GBP3: variants seen among roughly 807,000 people sequenced by gnomAD.
GBP3 encodes the protein guanylate-binding protein 3.
GBP3 carries 55 observed loss-of-function variants against 62.4 expected under a neutral mutation model. That is an observed-to-expected ratio of 0.88 (90% CI 0.71 to 1.10). The LOEUF is 1.10. Among genes scored for constraint, GBP3 ranks in the 50% least tolerant of loss-of-function variants. GBP3 has a pLI of 0.00. For synonymous variants in GBP3, 208 were observed against 259.2 expected, an observed-to-expected ratio of 0.80 and a Z score of 1.90; for missense variants, 605 against 690.6, an observed-to-expected ratio of 0.88 and a Z score of 1.39.
rs1318724411 is a variant in GBP3 at position 89,009,408 on chromosome 1, C to G, written c.1449G>C (p.Lys483Asn). 1.2e-6 allele frequency: 2 copies of G among 1,614,020 alleles called. No homozygotes were observed. ...GCTCCTCACCTTCAATCTCCTTTTC[C>G]TTTTCTGTGAGAATCTGGTCTGTCT... ...ILQTDQILTE[K>N]EKEIEVECVK... The change falls in exon 9 of 11, where the codon AAG (lysine) becomes AAC (asparagine). Residue 483 changes from lysine to asparagine, a missense_variant. Coordinates refer to ENST00000370481, the MANE Select transcript of GBP3 (RefSeq NM_018284.3).
rs1004955177 is a variant in GBP3 at position 89,011,938 on chromosome 1, T to A, written c.958A>T (p.Ile320Leu). The A allele has an allele frequency of 1.3e-5, 19 of 1,462,378 alleles. 2 individuals carry two copies. In the East Asian group the frequency reaches 4.4e-4, roughly 34 times the overall value. The allele number at this position is 1,462,378 out of a possible 1,614,324, so 90.6% of individuals were successfully genotyped here. Residue 320 changes from isoleucine (I) to leucine (L), a missense_variant, in exon 7 of 11, where the codon ATA (isoleucine) becomes TTA (leucine). By Grantham distance (5) the Ile-to-Leu change is conservative (BLOSUM62 2). Around this residue, in one of 3 missense-constraint regions of GBP3, gnomAD observed 137 missense variants for 224.7 expected, o/e 0.61. Transcript: ENST00000370481. ...MENAVLALAQIENSAAVQKAI... is the reference protein window; with the variant it reads ...MENAVLALAQLENSAAVQKAI... ...TTTTGCACTGCGGCTGAGTTCTCTA[T>A]CTGGGCCAAGGCCAGGACTGCGTTC... is the stretch of plus-strand genomic sequence containing the variant.
Position 89,009,071 on chromosome 1 carries a change from T to G in GBP3, c.1535A>C (p.Gln512Pro). The change falls in exon 10 of 11, where the codon CAG becomes CCG. Residue 512 changes from glutamine (Q) to proline (P), a missense_variant. Transcript: ENST00000370481. ...CTTCTCTTTCTCTTCCATCATCTGC[T>G]GATACTTTATTTGCATTTCCTCCAC... The part of the protein sequence containing the change: ...KMVEEMQIKY[Q>P]QMMEEKEKSY... 1 of 1,614,124 alleles carries G rather than the reference T, an allele frequency of 6.2e-7. No individual in the cohort carries two copies. Among genetic ancestry groups the G allele is most frequent in the Non-Finnish European group, 8.5e-7 (1 of 1,179,940 alleles).
intron 6 of GBP3, 70 bp downstream of exon 6, chr1:89,013,115 G>A (rs985233709): frequency 1.3e-6 from 2 of 1,536,256 alleles, no homozygotes; most frequent in Non-Finnish European, 1.8e-6. Flanking sequence ...TGGGATTACA[G>A]GCATGAACCA....
At chr1:89,018,833 C>T (rs1679022152) in intron 2 of GBP3, among the ~76,000 whole-genome samples, 1 of 152,232 alleles carries the variant, frequency 6.6e-6, no homozygotes, top group Non-Finnish European at 1.5e-5. Flanking sequence ...GACCAGAAGG[C>T]TGTGACCCCC....
intron 2 of GBP3, among the ~76,000 whole-genome samples, chr1:89,017,807 A>G (rs183825071): frequency 4.7e-4 from 71 of 152,262 alleles, no homozygotes; most frequent in African/African-American, 1.6e-3. Context: ...GGCTGGGTGC[A>G]GTGGCTCAAG....
At chr1:89,013,982 A>G (rs1400936812) in intron 5 of GBP3, 101 bp downstream of exon 5, 3 of 1,271,386 alleles carry the variant, frequency 2.4e-6, no homozygotes, top group East Asian at 4.6e-5. Context: ...AGCTAGAGAT[A>G]TAGAAAACTG....
In GBP3 at chr1:89,013,246, G is replaced by A. The variant is rs755630445; in HGVS notation, c.807C>T (p.Ser269=). 3.1e-6 allele frequency: 5 copies of A among 1,614,176 alleles called. No homozygotes were observed. In the South Asian group the frequency reaches 5.5e-5, roughly 18 times the overall value. Residue 269 remains serine (S), a synonymous_variant, in exon 6 of 11, where the codon TCC becomes TCT. Transcript: ENST00000370481. ...EFVQQVADFC[S]YIFSNSKTKT... ...TAGTTTTGGAATTGCTAAAGATGTA[G>A]GAACAGAAGTCTGCTACTTGTTGCA... is the stretch of plus-strand genomic sequence containing the variant.
intron 1 of GBP3, among the ~76,000 whole-genome samples, chr1:89,021,544 A>ACACACACACACACACCCC (rs761151308): frequency 3.4e-4 from 48 of 141,050 alleles, no homozygotes; most frequent in Admixed American, 1.0e-3. Flanking sequence ...ACACACACAC[A>ACACACACACACACACCCC]CCCCAAAAAA....
In GBP3 at chr1:89,007,511, C is replaced by T. The variant is rs1557720946; in HGVS notation, c.*213G>A. ...GAGTGGTGGCAACTCATGATCCCTC[C>T]TCTGTTGGTACAGAGGTAAATGCAT... On this transcript the variant is annotated 3_prime_UTR_variant, in exon 11 of 11. Coordinates refer to ENST00000370481, the MANE Select transcript of GBP3 (RefSeq NM_018284.3). 4 of 453,540 alleles carry T rather than the reference C, an allele frequency of 8.8e-6. No homozygotes were observed. The highest frequency in any genetic ancestry group is 2.0e-5 in the African/African-American group (1 of 49,586). The allele number at this position is 453,540 out of a possible 1,614,324, so 28.1% of individuals were successfully genotyped here. A position where few individuals can be genotyped will look rare whatever the true frequency, so the allele number is the denominator to read the frequency against.
At chr1:89,009,260 G>T in intron 9 of GBP3, 120 bp from the exon 10 acceptor site, 1 of 1,374,576 alleles carries the variant, frequency 7.3e-7, no homozygotes, top group Non-Finnish European at 1.0e-6. Context: ...ACCTCAACAA[G>T]TAAGACATGT....
intron 3 of GBP3, among the ~76,000 whole-genome samples, chr1:89,014,934 A>G (rs1005637064): frequency 6.6e-6 from 1 of 152,228 alleles, no homozygotes; most frequent in Admixed American, 6.5e-5. Context: ...GGGCATTCTA[A>G]GGCCTGAAGT....
rs1390095823 is a variant in GBP3, at chr1:89,011,618, C to A, written c.1149+129G>T. 6.2e-6 allele frequency: 7 copies of A among 1,137,088 alleles called. No homozygotes were observed. In the African/African-American group the frequency reaches 8.8e-5, roughly 14 times the overall value. The allele number at this position is 1,137,088 out of a possible 1,614,324, so 70.4% of individuals were successfully genotyped here. A position where few individuals can be genotyped will look rare whatever the true frequency, so the allele number is the denominator to read the frequency against. ...TGTTTTTGTCTGATTATTATGATTACCAAGAACTAGTTGTCACCATTTTAA... is the reference window on the plus strand; with the variant it reads ...TGTTTTTGTCTGATTATTATGATTAACAAGAACTAGTTGTCACCATTTTAA... On this transcript the variant is annotated intron_variant, in intron 7 of 10. Coordinates refer to ENST00000370481, the MANE Select transcript of GBP3 (RefSeq NM_018284.3).
intron 2 of GBP3, among the ~76,000 whole-genome samples, chr1:89,016,829 C>G (rs1678914022): frequency 6.6e-6 from 1 of 152,192 alleles, no homozygotes. Context: ...CTGGCCTCAG[C>G]TTCTCAAAGT....
chr1:89,007,452 A>G lies in GBP3; in HGVS notation c.*272T>C. 1 of 306,990 alleles carries G rather than the reference A, an allele frequency of 3.3e-6. No homozygotes were observed. 19.0% of individuals were successfully genotyped at this position (306,990 alleles called of 1,614,324 possible). ...AAGATTTTTACCTAAGACTTTCCTC[A>G]GTATCCACTGGTCGTCTGGAAGAAT... On this transcript the variant is annotated 3_prime_UTR_variant, in exon 11 of 11. Transcript: ENST00000370481.
intron 1 of GBP3, among the ~76,000 whole-genome samples, chr1:89,021,913 GA>G (rs1045584529): frequency 1.3e-5 from 2 of 151,630 alleles, no homozygotes; most frequent in Admixed American, 1.3e-4. Context: ...GGAGTTTTCA[GA>G]AGGTGGGATC....
At chr1:89,018,620 A>C (rs1000961892) in intron 2 of GBP3, among the ~76,000 whole-genome samples, 1 of 152,236 alleles carries the variant, frequency 6.6e-6, no homozygotes, top group Non-Finnish European at 1.5e-5. Flanking sequence ...GTTAGAAATT[A>C]CTGATGCACA....
rs149857352 is a variant in GBP3 at position 89,020,554 on chromosome 1, G to T, written c.168C>A (p.Asn56Lys). The change falls in exon 2 of 11, where the codon AAC (asparagine) becomes AAA (lysine). Residue 56 changes from asparagine (N) to lysine (K), a missense_variant. Physicochemically the swap from Asn to Lys is moderately conservative, Grantham distance 94. This residue lies in a region of GBP3 where 308 missense variants were observed against 318.0 expected (regional missense o/e 0.97). Coordinates refer to ENST00000370481, the MANE Select transcript of GBP3 (RefSeq NM_018284.3). ...LYRTGKSYLM[N>K]KLAGKNKGFS... Reference sequence around the variant, plus strand: ...CACCCTTATTCTTCCCAGCTAGCTTGTTCATCAGGTAGGATTTTCCTGTGC... The same window carrying T: ...CACCCTTATTCTTCCCAGCTAGCTTTTTCATCAGGTAGGATTTTCCTGTGC... 4 of 1,614,142 alleles carry T rather than the reference G, an allele frequency of 2.5e-6. No homozygotes were observed. The highest frequency in any genetic ancestry group is 3.4e-6 in the Non-Finnish European group (4 of 1,180,014).
chr1:89,009,329 T>G, intron 9 of GBP3, 63 bp downstream of exon 9: 1 of 1,544,144 alleles, frequency 6.5e-7, no homozygotes, highest in South Asian at 1.2e-5. Flanking sequence ...ATTTTAAAAT[T>G]TGAAAAATTA....
rs7555039 is a variant in GBP3, at chr1:89,020,354, C to T, written c.190+178G>A. 517,508 of 704,944 alleles carry T rather than the reference C, an allele frequency of 0.73. 193,074 individuals carry two copies. Among genetic ancestry groups the T allele is most frequent in the Non-Finnish European group, 0.79 (319,051 of 405,434 alleles). The allele number at this position is 704,944 out of a possible 1,614,324, so 43.7% of individuals were successfully genotyped here. A position where few individuals can be genotyped will look rare whatever the true frequency, so the allele number is the denominator to read the frequency against. Reference sequence around the variant, plus strand: ...CAGTCAATTGAGATAACTCACTACCCTCAGAACAGCTGTGAGCTGATGCTT... The same window carrying T: ...CAGTCAATTGAGATAACTCACTACCTTCAGAACAGCTGTGAGCTGATGCTT... On this transcript the variant is annotated intron_variant, in intron 2 of 10. Coordinates refer to ENST00000370481, the MANE Select transcript of GBP3 (RefSeq NM_018284.3).
Sources: gnomAD v4.1 joint callset for allele counts (sites outside exome capture counted in the v4.1 genomes callset) on GRCh38, gnomAD v4.1.1 for gene constraint, gnomAD v4.1.1 regional missense constraint, MANE v1.5 for transcripts, NCBI Gene and HGNC (gene_info 2026-07-23, HGNC 2026-07-21) for gene names.